Variants in CFAP299 observed in about 807,000 individuals in gnomAD.
CFAP299 encodes the protein cilia and flagella associated protein 299.
CFAP299 carries 21 observed loss-of-function variants against 27.0 expected under a neutral mutation model. The ratio of observed to expected loss-of-function variants is 0.78; its 90% CI spans 0.55 to 1.12. The LOEUF (loss-of-function observed/expected upper bound fraction) is 1.12, where lower values mean the gene tolerates loss of function less well. Among genes scored for constraint, CFAP299 ranks in the 50% most tolerant of loss-of-function variants. The pLI is 0.00. For missense variants in CFAP299, 310 were observed against 276.6 expected (o/e 1.12, Z -0.86); for synonymous variants, 104 against 98.1 (o/e 1.06, Z -0.36).
chr4:80,554,307 G>T (rs549019098), intron 2 of CFAP299, among the ~76,000 whole-genome samples: 2 of 152,090 alleles, frequency 1.3e-5, no homozygotes, highest in East Asian at 3.9e-4. Context: ...ATAGGTGTGT[G>T]GTCTTATTTC....
At chr4:80,469,709 T>A (rs1729887963) in intron 2 of CFAP299, among the ~76,000 whole-genome samples, 1 of 152,136 alleles carries the variant, frequency 6.6e-6, no homozygotes, top group Non-Finnish European at 1.5e-5. Context: ...GTATCCTTGT[T>A]CATTTTTATT....
At chr4:80,469,888 T>A (rs1248446125) in intron 2 of CFAP299, among the ~76,000 whole-genome samples, 3 of 152,050 alleles carry the variant, frequency 2.0e-5, no homozygotes, top group African/African-American at 7.2e-5. Flanking sequence ...ACCTTATGAG[T>A]CCTTAAAAAC....
intron 5 of CFAP299, among the ~76,000 whole-genome samples, chr4:80,948,431 G>C (rs183317166): frequency 0.045 from 3,092 of 68,480 alleles, 87 homozygotes; most frequent in African/African-American, 0.081. Flanking sequence ...ATGCTTGTTT[G>C]AGTGATTCAC....
At chr4:80,911,548 G>A (rs965744636) in intron 4 of CFAP299, among the ~76,000 whole-genome samples, 12 of 152,220 alleles carry the variant, frequency 7.9e-5, no homozygotes, top group African/African-American at 2.4e-4. Flanking sequence ...TATGCCAAAA[G>A]AAAATTCAAA....
chr4:80,940,044 CTG>C (rs1737112935), intron 4 of CFAP299, among the ~76,000 whole-genome samples: 2 of 152,172 alleles, frequency 1.3e-5, no homozygotes, highest in African/African-American at 4.8e-5. Context: ...CATGCACTCT[CTG>C]TGAGTATTTG....
At chr4:80,433,601 T>C (rs533218955) in intron 2 of CFAP299, among the ~76,000 whole-genome samples, 7 of 152,276 alleles carry the variant, frequency 4.6e-5, no homozygotes, top group African/African-American at 1.7e-4. Context: ...AAAATCAAAT[T>C]TTAAGCAAAT....
intron 4 of CFAP299, among the ~76,000 whole-genome samples, chr4:80,883,676 C>T (rs1733829980): frequency 6.6e-6 from 1 of 151,884 alleles, no homozygotes; most frequent in South Asian, 2.1e-4. Context: ...AGAAAATTTT[C>T]ACAAGGGATA....
At chr4:80,944,986 G>A in intron 5 of CFAP299, 47 bp downstream of exon 5, 2 of 1,538,408 alleles carry the variant, frequency 1.3e-6, no homozygotes, top group Non-Finnish European at 1.8e-6. Flanking sequence ...ACATGTTATT[G>A]TATTTCTGCC....
chr4:80,615,077 T>G (rs1322142983), intron 3 of CFAP299, among the ~76,000 whole-genome samples: 23 of 152,208 alleles, frequency 1.5e-4, no homozygotes, highest in Admixed American at 1.4e-3. Context: ...TAATGATGTA[T>G]TTTATTTGAA....
intron 3 of CFAP299, among the ~76,000 whole-genome samples, chr4:80,748,554 A>G (rs571799863): frequency 6.6e-6 from 1 of 152,244 alleles, no homozygotes; most frequent in African/African-American, 2.4e-5. Flanking sequence ...TTGACACATA[A>G]TACTGGTTCA....
chr4:80,904,432 G>C (rs940859517), intron 4 of CFAP299, among the ~76,000 whole-genome samples: 4 of 152,078 alleles, frequency 2.6e-5, no homozygotes, highest in African/African-American at 9.7e-5. Flanking sequence ...CCTTTTGCTT[G>C]GGTTCTATGG....
At chr4:80,506,982 A>G (rs1304949593) in intron 2 of CFAP299, among the ~76,000 whole-genome samples, 1 of 152,178 alleles carries the variant, frequency 6.6e-6, no homozygotes, top group South Asian at 2.1e-4. Context: ...GATATAAAGT[A>G]TTATACTTTC....
At chr4:80,455,919 G>A (rs745744518) in intron 2 of CFAP299, among the ~76,000 whole-genome samples, 47 of 151,974 alleles carry the variant, frequency 3.1e-4, no homozygotes, top group Middle Eastern at 3.2e-3. Flanking sequence ...CAGAGCTTAT[G>A]TTTTAGTTGG....
chr4:80,591,873 A>G (rs1021242577), intron 3 of CFAP299, among the ~76,000 whole-genome samples: 3 of 152,234 alleles, frequency 2.0e-5, no homozygotes, highest in African/African-American at 7.2e-5. Flanking sequence ...AACATTAACT[A>G]CAACCTTAAA....
At chr4:80,322,828 TCACAC>T in the CFAP299 span, among the ~76,000 whole-genome samples, 5 of 152,262 alleles carry the variant, frequency 3.3e-5, no homozygotes, top group South Asian at 1.0e-3. Flanking sequence ...GCCCTTCAAA[TCACAC>T]CACATTACAG....
At chr4:80,778,266 A>C (rs777156567) in intron 3 of CFAP299, among the ~76,000 whole-genome samples, 1 of 152,136 alleles carries the variant, frequency 6.6e-6, no homozygotes, top group Non-Finnish European at 1.5e-5. Flanking sequence ...GCCTATGCAG[A>C]ATATGCTTGT....
chr4:80,372,130 C>G (rs1490893335), intron 2 of CFAP299, among the ~76,000 whole-genome samples: 1 of 152,170 alleles, frequency 6.6e-6, no homozygotes, highest in Non-Finnish European at 1.5e-5. Flanking sequence ...AGGAAACTTA[C>G]AATCTGCTGA....
intron 3 of CFAP299, among the ~76,000 whole-genome samples, chr4:80,724,723 C>A (rs1723045396): frequency 6.6e-6 from 1 of 152,098 alleles, no homozygotes; most frequent in Non-Finnish European, 1.5e-5. Context: ...TACTCTACCA[C>A]CTCCAATAAC....
At chr4:80,428,363 T>C (rs1397585473) in intron 2 of CFAP299, among the ~76,000 whole-genome samples, 3 of 152,204 alleles carry the variant, frequency 2.0e-5, no homozygotes, top group African/African-American at 7.2e-5. Flanking sequence ...GAGTATTCTT[T>C]ATCTGTAGTA....
Sources: gnomAD v4.1 joint callset for allele counts (sites outside exome capture counted in the v4.1 genomes callset) on GRCh38, gnomAD v4.1.1 for gene constraint, MANE v1.5 for transcripts, NCBI Gene and HGNC (gene_info 2026-07-23, HGNC 2026-07-21) for gene names.